The following CSTPP1 variants were observed in gnomAD, a reference collection of about 807,000 sequenced individuals.
CSTPP1 encodes UPF0705 protein C11orf49.
the CSTPP1 span, among the ~76,000 whole-genome samples, chr11:46,997,942 C>A: frequency 6.6e-6 from 1 of 152,156 alleles, no homozygotes; most frequent in African/African-American, 2.4e-5. Context: ...AGAGGGGCAC[C>A]CAGCCGTATG....
At chr11:47,074,160 C>T in the CSTPP1 span, among the ~76,000 whole-genome samples, 71 of 151,784 alleles carry the variant, frequency 4.7e-4, no homozygotes, top group South Asian at 3.7e-3. Context: ...GCTGAGATTG[C>T]GCCACTGCAC....
the CSTPP1 span, among the ~76,000 whole-genome samples, chr11:47,038,260 G>T: frequency 8.8e-6 from 1 of 113,366 alleles, no homozygotes; most frequent in Non-Finnish European, 2.1e-5. Context: ...CCCGGATGGG[G>T]CGGCTGGCCG....
chr11:47,064,934 G>A, the CSTPP1 span, among the ~76,000 whole-genome samples: 1 of 152,054 alleles, frequency 6.6e-6, no homozygotes, highest in African/African-American at 2.4e-5. Context: ...AGTAGAGACG[G>A]GGTTTCATCA....
chr11:47,018,920 A>G, the CSTPP1 span, among the ~76,000 whole-genome samples: 10 of 152,008 alleles, frequency 6.6e-5, no homozygotes, highest in Non-Finnish European at 1.5e-4. Context: ...TATATTCTGG[A>G]TACAAGTCCT....
At chr11:46,984,020 A>G in the CSTPP1 span, among the ~76,000 whole-genome samples, 3 of 152,162 alleles carry the variant, frequency 2.0e-5, no homozygotes, top group South Asian at 6.2e-4. Flanking sequence ...ACTTCACACA[A>G]ATGCTGATTG....
chr11:47,161,003 A>ATCTT, the CSTPP1 span: 2 of 1,270,414 alleles, frequency 1.6e-6, no homozygotes, highest in African/African-American at 2.9e-5. Flanking sequence ...CAGTCCTCAG[A>ATCTT]TCTTTAGATC....
At chr11:47,062,113 A>G in the CSTPP1 span, among the ~76,000 whole-genome samples, 1 of 152,084 alleles carries the variant, frequency 6.6e-6, no homozygotes, top group Non-Finnish European at 1.5e-5. Flanking sequence ...GGGTCCTTCC[A>G]TTATAATTTT....
chr11:47,028,846 CT>C, the CSTPP1 span, among the ~76,000 whole-genome samples: 8 of 150,034 alleles, frequency 5.3e-5, no homozygotes, highest in African/African-American at 1.7e-4. Flanking sequence ...TTTTTTTCTT[CT>C]TTTTTTTTGA....
chr11:47,018,557 T>C, the CSTPP1 span, among the ~76,000 whole-genome samples: 1 of 152,116 alleles, frequency 6.6e-6, no homozygotes, highest in Admixed American at 6.5e-5. Context: ...CCTCCCAAAG[T>C]GCTGGGATTA....
At chr11:46,991,134 G>A in the CSTPP1 span, among the ~76,000 whole-genome samples, 1 of 151,394 alleles carries the variant, frequency 6.6e-6, no homozygotes, top group Non-Finnish European at 1.5e-5. Flanking sequence ...GAAAGGAAGA[G>A]TAATCCTTAT....
At chr11:46,984,901 C>T in the CSTPP1 span, among the ~76,000 whole-genome samples, 2 of 152,118 alleles carry the variant, frequency 1.3e-5, no homozygotes, top group East Asian at 1.9e-4. Context: ...TTAATGTTTC[C>T]CTGGCCATTT....
the CSTPP1 span, among the ~76,000 whole-genome samples, chr11:47,095,841 C>T: frequency 6.6e-6 from 1 of 152,066 alleles, no homozygotes; most frequent in African/African-American, 2.4e-5. Flanking sequence ...ATTGAGAGTA[C>T]CATTGCAAAA....
chr11:47,017,457 G>A, the CSTPP1 span, among the ~76,000 whole-genome samples: 1 of 152,222 alleles, frequency 6.6e-6, no homozygotes, highest in Non-Finnish European at 1.5e-5. Flanking sequence ...ACAGGCGTGA[G>A]CCACAGTGCC....
chr11:46,984,549 AT>A, the CSTPP1 span, among the ~76,000 whole-genome samples: 1 of 151,802 alleles, frequency 6.6e-6, no homozygotes, highest in South Asian at 2.1e-4. Flanking sequence ...CCTTTTTTAT[AT>A]TTTTGGTATA....
At chr11:46,954,410 A>G in the CSTPP1 span, among the ~76,000 whole-genome samples, 2 of 152,040 alleles carry the variant, frequency 1.3e-5, no homozygotes, top group Non-Finnish European at 1.5e-5. Flanking sequence ...TTGGTTGGGT[A>G]TGGTGGCAGG....
the CSTPP1 span, among the ~76,000 whole-genome samples, chr11:46,947,024 A>G: frequency 6.6e-6 from 1 of 152,246 alleles, no homozygotes; most frequent in African/African-American, 2.4e-5. Flanking sequence ...CATGAATGAA[A>G]AAGGATGATT....
At chr11:47,006,838 T>A in the CSTPP1 span, among the ~76,000 whole-genome samples, 4 of 151,026 alleles carry the variant, frequency 2.6e-5, no homozygotes, top group Admixed American at 2.6e-4. Context: ...GTGATCCTCC[T>A]GCCTCGCCCT....
At chr11:47,018,196 T>C in the CSTPP1 span, among the ~76,000 whole-genome samples, 1 of 152,132 alleles carries the variant, frequency 6.6e-6, no homozygotes, top group African/African-American at 2.4e-5. Context: ...TAAATACTCA[T>C]GTACTCATTT....
At chr11:47,159,456 G>T in the CSTPP1 span, among the ~76,000 whole-genome samples, 1 of 152,018 alleles carries the variant, frequency 6.6e-6, no homozygotes, top group African/African-American at 2.4e-5. Flanking sequence ...GTTGCGGTGA[G>T]CCGAGATCAC....
Sources: allele counts gnomAD v4.1 joint callset (sites outside exome capture counted in the v4.1 genomes callset), GRCh38; gene constraint gnomAD v4.1.1; transcripts MANE v1.5; gene names NCBI Gene and HGNC (gene_info 2026-07-23, HGNC 2026-07-21).